TTBK2: variants seen among roughly 807,000 people sequenced by gnomAD.
TTBK2 encodes tau tubulin kinase 2, also known as tau-tubulin kinase 2.
In TTBK2, 28 loss-of-function variants were observed where a neutral mutation model predicts 110.8. That is an observed-to-expected ratio of 0.25 (90% confidence interval 0.19 to 0.35). The LOEUF is 0.35. TTBK2 is among the 10% of genes least tolerant of loss of function. TTBK2 has a pLI of 1.00. For missense variants in TTBK2, 1,369 were observed against 1,500.3 expected, an observed-to-expected ratio of 0.91 and a Z score of 1.45; for synonymous variants, 532 against 527.3, an observed-to-expected ratio of 1.01 and a Z score of -0.12.
intron 6 of TTBK2, among the ~76,000 whole-genome samples, chr15:42,820,576 G>A (rs1180518045): frequency 6.6e-6 from 1 of 152,168 alleles, no homozygotes; most frequent in Non-Finnish European, 1.5e-5. Context: ...GATGTACAAA[G>A]TCAGTCACTA....
chr15:42,917,632 G>T (rs1186984262), intron 1 of TTBK2, among the ~76,000 whole-genome samples: 1 of 151,198 alleles, frequency 6.6e-6, no homozygotes, highest in Non-Finnish European at 1.5e-5. Flanking sequence ...ATCCACTGAA[G>T]CCTGGGGAAA....
intron 3 of TTBK2, among the ~76,000 whole-genome samples, chr15:42,848,205 A>AT (rs1457209998): frequency 6.6e-6 from 1 of 151,858 alleles, no homozygotes; most frequent in Admixed American, 6.6e-5. Flanking sequence ...ATGTGATTTG[A>AT]TTTTTTTTCC....
chr15:42,893,945 A>C (rs1369755793), intron 1 of TTBK2, among the ~76,000 whole-genome samples: 1 of 152,202 alleles, frequency 6.6e-6, no homozygotes, highest in Non-Finnish European at 1.5e-5. Context: ...TACTAAAAAA[A>C]TATGGGCATG....
intron 13 of TTBK2, among the ~76,000 whole-genome samples, chr15:42,774,186 A>G (rs1889799267): frequency 6.6e-6 from 1 of 152,066 alleles, no homozygotes; most frequent in Non-Finnish European, 1.5e-5. Context: ...CTAATAGAAA[A>G]CCTTTCAGTT....
At chr15:42,768,247 T>C (rs1288393234) in intron 13 of TTBK2, among the ~76,000 whole-genome samples, 6 of 150,464 alleles carry the variant, frequency 4.0e-5, no homozygotes, top group African/African-American at 9.7e-5. Context: ...AACATAGTGT[T>C]GGAAGTTCTG....
intron 2 of TTBK2, among the ~76,000 whole-genome samples, chr15:42,878,189 A>G (rs1313532802): frequency 2.7e-5 from 4 of 147,998 alleles, no homozygotes; most frequent in African/African-American, 7.5e-5. Context: ...TCATCGTGTT[A>G]GCCAAGATGG....
intron 13 of TTBK2, among the ~76,000 whole-genome samples, chr15:42,774,638 T>C (rs1889820447): frequency 6.6e-6 from 1 of 152,124 alleles, no homozygotes; most frequent in South Asian, 2.1e-4. Flanking sequence ...TTTTGAACAG[T>C]GGCCATCAAT....
In TTBK2 at chr15:42,777,078, A is replaced by G. The variant is rs1330787335; in HGVS notation, c.1362T>C (p.Arg454=). The change falls in exon 12 of 15, where the codon CGT becomes CGC. Residue 454 remains arginine, a synonymous_variant. Transcript: ENST00000267890. ...RSIHSFELEK[R]LTLEPKPDTD... ...TGTCTGGCTTTGGCTCCAGGGTCAG[A>G]CGTTTTTCCAGCTCAAAGCTGTGAA... The G allele has an allele frequency of 6.2e-7, 1 of 1,614,188 alleles. No homozygotes were observed. Among genetic ancestry groups the G allele is most frequent in the South Asian group, 1.1e-5 (1 of 91,088 alleles).
At chr15:42,897,760 G>C (rs1895721755) in intron 1 of TTBK2, among the ~76,000 whole-genome samples, 1 of 151,830 alleles carries the variant, frequency 6.6e-6, no homozygotes, top group Non-Finnish European at 1.5e-5. Flanking sequence ...AAGTTGGACA[G>C]AAGATGTACA....
At chr15:42,898,915 T>G (rs1224049077) in intron 1 of TTBK2, among the ~76,000 whole-genome samples, 1 of 152,224 alleles carries the variant, frequency 6.6e-6, no homozygotes, top group Non-Finnish European at 1.5e-5. Flanking sequence ...AACTTGTATA[T>G]AACCATTAAA....
In TTBK2 at chr15:42,798,503, CAG is replaced by C. The variant is rs1891042533; in HGVS notation, c.823-3704_823-3703del. On this transcript the variant is annotated intron_variant, in intron 9 of 14. Coordinates refer to ENST00000267890, the MANE Select transcript of TTBK2 (RefSeq NM_173500.4). Reference sequence around the variant, plus strand: ...ACCCCCAGGGGATGCAGCCATATGCCAGAGAGAATTTAAAGTCATTTGACAAT... The same window carrying C: ...ACCCCCAGGGGATGCAGCCATATGCCAGAGAATTTAAAGTCATTTGACAAT... Among the ~76,000 whole-genome samples the C allele has an allele frequency of 2.0e-5, 3 of 152,102 alleles. No individual in the cohort carries two copies. The South Asian group carries it at 6.2e-4, about 32-fold the overall frequency.
At chr15:42,756,849 T>G (rs866588502) in intron 13 of TTBK2, among the ~76,000 whole-genome samples, 1 of 149,516 alleles carries the variant, frequency 6.7e-6, no homozygotes, top group Non-Finnish European at 1.5e-5. Flanking sequence ...CTGGGCAACA[T>G]AGCAATACCC....
At chr15:42,882,624 T>C (rs763459460) in intron 1 of TTBK2, among the ~76,000 whole-genome samples, 11 of 151,488 alleles carry the variant, frequency 7.3e-5, no homozygotes, top group Non-Finnish European at 1.2e-4. Context: ...AAAATAATAA[T>C]AACAATAATA....
intron 10 of TTBK2, among the ~76,000 whole-genome samples, chr15:42,792,913 C>T (rs1009321706): frequency 4.6e-5 from 7 of 152,176 alleles, no homozygotes; most frequent in African/African-American, 1.7e-4. Context: ...CATAAACTGC[C>T]TTCATTGTCT....
intron 7 of TTBK2, among the ~76,000 whole-genome samples, chr15:42,815,735 T>C (rs534961208): frequency 4.6e-5 from 7 of 150,776 alleles, no homozygotes; most frequent in Non-Finnish European, 8.8e-5. Flanking sequence ...GGATATCAGA[T>C]TAGATACATA....
Position 42,752,908 on chromosome 15 carries a change from T to G in TTBK2, c.2338A>C (p.Lys780Gln). ...FENLPGETEEKSILLESDNED... is the reference protein window; with the variant it reads ...FENLPGETEEQSILLESDNED... ...TTATCTGACTCTAAAAGGATGCTTT[T>G]CTCTTCAGTTTCCCCAGGGAGATTT... The change falls in exon 14 of 15, where the codon AAA becomes CAA. Residue 780 changes from lysine to glutamine, a missense_variant. By Grantham distance (53) the Lys-to-Gln change is moderately conservative. Coordinates refer to ENST00000267890, the MANE Select transcript of TTBK2 (RefSeq NM_173500.4). The G allele has an allele frequency of 6.2e-7, 1 of 1,614,222 alleles. No individual in the cohort carries two copies. The highest frequency in any genetic ancestry group is 8.5e-7 in the Non-Finnish European group (1 of 1,180,040).
intron 13 of TTBK2, among the ~76,000 whole-genome samples, chr15:42,770,240 TATA>T (rs200699099): frequency 6.6e-6 from 1 of 151,530 alleles, no homozygotes. Context: ...GAACTTAAAG[TATA>T]ATAATAATAA....
At chr15:42,833,546 T>C (rs1350462663) in intron 4 of TTBK2, among the ~76,000 whole-genome samples, 2 of 152,202 alleles carry the variant, frequency 1.3e-5, no homozygotes, top group Non-Finnish European at 2.9e-5. Flanking sequence ...TATTTTCATG[T>C]AAATTCTAAC....
At chr15:42,802,078 A>G in intron 9 of TTBK2, 2 of 1,465,104 alleles carry the variant, frequency 1.4e-6, no homozygotes, top group South Asian at 1.1e-5. Context: ...CTGCTGCTCC[A>G]GGAACCGTAC....
Sources: gnomAD v4.1 joint callset for allele counts (sites outside exome capture counted in the v4.1 genomes callset) on GRCh38, gnomAD v4.1.1 for gene constraint, MANE v1.5 for transcripts, NCBI Gene and HGNC (gene_info 2026-07-23, HGNC 2026-07-21) for gene names.